CIP2A: variants seen among roughly 807,000 people sequenced by gnomAD.
CIP2A encodes the protein protein CIP2A.
Under a neutral mutation model 110.9 loss-of-function variants are expected in CIP2A, and 103 were observed. The observed-to-expected ratio is 0.93, with a 90% CI of 0.79 to 1.09. The LOEUF (loss-of-function observed/expected upper bound fraction) is 1.09, where lower values mean the gene tolerates loss of function less well. CIP2A is among the 50% of genes least tolerant of loss of function. The pLI, the probability that CIP2A is intolerant of heterozygous loss-of-function variation, is 0.00. For missense variants in CIP2A, 1,088 were observed against 1,038.4 expected (o/e 1.05, Z -0.66); for synonymous variants, 381 against 361.6 (o/e 1.05, Z -0.61).
chr3:108,552,394 A>G (rs1937617162), intron 19 of CIP2A, 21 bp from the exon 20 acceptor site: 1 of 1,468,158 alleles, frequency 6.8e-7, no homozygotes, highest in Non-Finnish European at 9.2e-7. Flanking sequence ...AAAAAAGTCA[A>G]GTATTATACT....
chr3:108,587,261 T>A (rs371965409), intron 1 of CIP2A, among the ~76,000 whole-genome samples: 28 of 152,058 alleles, frequency 1.8e-4, no homozygotes, highest in African/African-American at 5.8e-4. Flanking sequence ...CACCCAGAAA[T>A]GTAAACAACC....
intron 1 of CIP2A, among the ~76,000 whole-genome samples, chr3:108,587,976 G>GC (rs1939127819): frequency 6.6e-6 from 1 of 151,924 alleles, no homozygotes; most frequent in Non-Finnish European, 1.5e-5. Flanking sequence ...ACGGGGTTTC[G>GC]CATGTTGGTC....
In CIP2A at chr3:108,575,431, TAC is replaced by T. The variant is rs1318888142; in HGVS notation, c.894+838_894+839del. 1.0e-4 allele frequency among the ~76,000 whole-genome samples: 15 copies of T among 146,764 alleles called. No homozygotes were observed. In the South Asian group the frequency reaches 2.8e-3, roughly 28 times the overall value. ...GTATGTATACATATACATGTATACATACACATACATATATACATATACATGTA... is the reference window on the plus strand; with the variant it reads ...GTATGTATACATATACATGTATACATACATACATATATACATATACATGTA... On this transcript the variant is annotated intron_variant, in intron 8 of 20. Coordinates refer to ENST00000295746, the MANE Select transcript of CIP2A (RefSeq NM_020890.3).
At chr3:108,568,100 G>GA (rs11386134) in intron 10 of CIP2A, 55 bp downstream of exon 10, 512,318 of 1,341,560 alleles carry the variant, frequency 0.38, 98,841 homozygotes, top group East Asian at 0.52. Context: ...TGCAATACTA[G>GA]AAAAAAAAGA....
intron 4 of CIP2A, 83 bp from the exon 5 acceptor site, chr3:108,581,594 A>G: frequency 1.3e-6 from 1 of 796,124 alleles, no homozygotes; most frequent in South Asian, 1.6e-5. Flanking sequence ...TCAAAATGAT[A>G]TAGTTAAGTT....
chr3:108,572,479 C>G (rs898059455), intron 8 of CIP2A, among the ~76,000 whole-genome samples: 13 of 151,940 alleles, frequency 8.6e-5, no homozygotes, highest in Admixed American at 2.0e-4. Flanking sequence ...TGTTGTCAAT[C>G]TGAAGACCAT....
Position 108,581,481 on chromosome 3 carries a change from A to C in CIP2A, c.483T>G (p.Pro161=). The change falls in exon 5 of 21, where the codon CCT becomes CCG. Residue 161 remains proline, a synonymous_variant. Transcript: ENST00000295746. ...AAAGATTTGCCAATAATCCTAGACA[A>C]GGCATTTTTAACTCATCTTCAGAAG... is the stretch of plus-strand genomic sequence containing the variant. ...IQSSEDELKM[P]CLGLLANLCR... is the part of the protein sequence containing the mutation. 6.2e-7 allele frequency: 1 copy of C among 1,612,902 alleles called. No homozygotes were observed. The highest frequency in any genetic ancestry group is 1.7e-4 in the Middle Eastern group (1 of 6,050).
Position 108,582,979 on chromosome 3 carries a change from G to T in CIP2A, c.355C>A (p.Gln119Lys). 3.7e-6 allele frequency: 6 copies of T among 1,601,760 alleles called. No individual in the cohort carries two copies. The highest frequency in any genetic ancestry group is 5.1e-6 in the Non-Finnish European group (6 of 1,170,938). ...RSSHTDSVFL[Q>K]CIQLLQKLTY... ...ATACACTGTGTGGGTCTGTATACCT[G>T]CAAAAACACCGAATCAGTGTGGCTG... The change falls in exon 3 of 21, where the codon CAG becomes AAG. Residue 119 changes from glutamine to lysine, a missense_variant and splice_region_variant. Transcript: ENST00000295746.
At chr3:108,559,190 T>C (rs1937914320) in intron 16 of CIP2A, among the ~76,000 whole-genome samples, 2 of 152,020 alleles carry the variant, frequency 1.3e-5, no homozygotes, top group Admixed American at 6.6e-5. Flanking sequence ...AAAAGAGTAA[T>C]ATTTAGAAGG....
intron 8 of CIP2A, among the ~76,000 whole-genome samples, chr3:108,575,441 T>C (rs528522201): frequency 2.0e-5 from 3 of 147,634 alleles, no homozygotes; most frequent in South Asian, 2.1e-4. Flanking sequence ...TACACATACA[T>C]ATATACATAT....
chr3:108,573,809 G>A (rs1212865719), intron 8 of CIP2A, among the ~76,000 whole-genome samples: 1 of 152,064 alleles, frequency 6.6e-6, no homozygotes, highest in African/African-American at 2.4e-5. Context: ...GATCATTGTT[G>A]CAAATGATTA....
chr3:108,575,367 TAC>T (rs1194336341), intron 8 of CIP2A, among the ~76,000 whole-genome samples: 2 of 150,620 alleles, frequency 1.3e-5, no homozygotes, highest in Admixed American at 6.6e-5. Context: ...TATATATACA[TAC>T]ACATATACAT....
In CIP2A at chr3:108,569,179, T is replaced by TATATATATATATATATACATAC. The variant is rs1271625941; in HGVS notation, c.1113+209_1113+210insGTATGTATATATATATATATAT. Among the ~76,000 whole-genome samples the TATATATATATATATATACATAC allele has an allele frequency of 6.1e-3, 440 of 72,086 alleles. 46 individuals carry two copies. Among genetic ancestry groups the TATATATATATATATATACATAC allele is most frequent in the African/African-American group, 0.018 (423 of 24,140 alleles). The allele number at this position is 72,086 out of a possible 152,430, so 47.3% of individuals were successfully genotyped here. A position where few individuals can be genotyped will look rare whatever the true frequency, so the allele number is the denominator to read the frequency against. The stretch of plus-strand genomic sequence containing the variant: ...CACTGAAATGAGCACTATATATATA[T>TATATATATATATATATACATAC]ATACATACACACTACTCAGTGAAAA... On this transcript the variant is annotated intron_variant, in intron 9 of 20. Coordinates refer to ENST00000295746, the MANE Select transcript of CIP2A (RefSeq NM_020890.3).
intron 8 of CIP2A, among the ~76,000 whole-genome samples, chr3:108,575,947 CAT>C (rs1431117504): frequency 6.7e-6 from 1 of 148,216 alleles, no homozygotes; most frequent in Non-Finnish European, 1.5e-5. Context: ...CGTATATATA[CAT>C]ATATGTGTAT....
In CIP2A at chr3:108,553,692, T is replaced by C. The variant is rs1372142445; in HGVS notation, c.2363A>G (p.Lys788Arg). Reference sequence around the variant, plus strand: ...GTCTACTAGCTGATTCTGTACTTCTTTTCTCTGTTCTTCTTTCTCTATTAA... The same window carrying C: ...GTCTACTAGCTGATTCTGTACTTCTCTTCTCTGTTCTTCTTTCTCTATTAA... ...AQLIEKEEQR[K>R]EVQNQLVDRE... Residue 788 changes from lysine to arginine, a missense_variant, in exon 19 of 21, where the codon AAA (lysine) becomes AGA (arginine). Physicochemically the swap from Lys to Arg is conservative, Grantham distance 26. Coordinates refer to ENST00000295746, the MANE Select transcript of CIP2A (RefSeq NM_020890.3). 1 of 1,510,526 alleles carries C rather than the reference T, an allele frequency of 6.6e-7. No homozygotes were observed. The highest frequency in any genetic ancestry group is 9.2e-7 in the Non-Finnish European group (1 of 1,087,956). 93.6% of individuals were successfully genotyped at this position (1,510,526 alleles called of 1,614,324 possible). A position where few individuals can be genotyped will look rare whatever the true frequency, so the allele number is the denominator to read the frequency against.
At chr3:108,556,394 C>A (rs1937802445) in intron 17 of CIP2A, among the ~76,000 whole-genome samples, 1 of 152,052 alleles carries the variant, frequency 6.6e-6, no homozygotes, top group Non-Finnish European at 1.5e-5. Flanking sequence ...AGAAGTTTTA[C>A]AACTGGCCTA....
In CIP2A at chr3:108,569,470, T is replaced by A; in HGVS notation, c.1032A>T (p.Leu344=). ...CCAAAGGTTGGCTTAACCAGCGCAG[T>A]AGAGCCACAGTAGGTTCTAAACATT... ...HTKCLEPTVA[L]LRWLSQPLDG... is the part of the protein sequence containing the mutation. Residue 344 remains leucine (L), a synonymous_variant, in exon 9 of 21, where the codon CTA becomes CTT. Coordinates refer to ENST00000295746, the MANE Select transcript of CIP2A (RefSeq NM_020890.3). The A allele has an allele frequency of 1.9e-6, 3 of 1,612,908 alleles. No homozygotes were observed. Among genetic ancestry groups the A allele is most frequent in the Non-Finnish European group, 2.5e-6 (3 of 1,179,356 alleles).
intron 7 of CIP2A, among the ~76,000 whole-genome samples, chr3:108,576,664 T>C (rs1286868028): frequency 1.3e-5 from 2 of 152,186 alleles, no homozygotes; most frequent in African/African-American, 4.8e-5. Context: ...TTTTTTAAGA[T>C]TGTGTTCACT....
chr3:108,581,645 A>C (rs1034495142), intron 4 of CIP2A, 134 bp from the exon 5 acceptor site: 4 of 593,952 alleles, frequency 6.7e-6, no homozygotes, highest in Non-Finnish European at 1.2e-5. Flanking sequence ...AAAAAAAACT[A>C]ATTAACATAA....
Sources: gnomAD v4.1 joint callset for allele counts (sites outside exome capture counted in the v4.1 genomes callset) on GRCh38, gnomAD v4.1.1 for gene constraint, MANE v1.5 for transcripts, NCBI Gene and HGNC (gene_info 2026-07-23, HGNC 2026-07-21) for gene names.